The following NCKAP5 variants were observed in gnomAD, a reference collection of about 807,000 sequenced individuals.
NCKAP5 encodes the protein nck-associated protein 5.
In NCKAP5, 92 loss-of-function variants were observed where a neutral mutation model predicts 167.0. The ratio of observed to expected loss-of-function variants is 0.55; its 90% CI spans 0.47 to 0.66. NCKAP5 has a LOEUF of 0.66. NCKAP5 is among the 30% of genes least tolerant of loss of function. NCKAP5 has a pLI of 0.00. For missense variants in NCKAP5, 2,378 were observed against 2,315.0 expected (o/e 1.03, Z -0.56); for synonymous variants, 891 against 877.4 (o/e 1.02, Z -0.27).
chr2:132,832,667 G>A (rs894378034), intron 11 of NCKAP5, among the ~76,000 whole-genome samples: 5 of 152,088 alleles, frequency 3.3e-5, no homozygotes, highest in African/African-American at 1.2e-4. Flanking sequence ...ATGACCTCCA[G>A]TTCCATTCCT....
At chr2:133,342,452 ACTC>A (rs1412464468) in intron 3 of NCKAP5, among the ~76,000 whole-genome samples, 9 of 151,918 alleles carry the variant, frequency 5.9e-5, no homozygotes, top group African/African-American at 2.2e-4. Flanking sequence ...GCTACTCCCA[ACTC>A]CTCCTTTTCA....
At chr2:133,603,525 C>A in the NCKAP5 span, among the ~76,000 whole-genome samples, 1 of 148,216 alleles carries the variant, frequency 6.7e-6, no homozygotes, top group South Asian at 2.2e-4. Context: ...GTGCCCAGCC[C>A]GGCATCAGGG....
chr2:133,634,288 A>G, the NCKAP5 span, among the ~76,000 whole-genome samples: 2 of 151,892 alleles, frequency 1.3e-5, no homozygotes, highest in Admixed American at 6.6e-5. Flanking sequence ...GCCCCTTCCC[A>G]CTCCCTCGTA....
intron 5 of NCKAP5, among the ~76,000 whole-genome samples, chr2:133,168,542 C>T (rs1467995847): frequency 1.3e-5 from 2 of 152,006 alleles, no homozygotes; most frequent in Admixed American, 1.3e-4. Flanking sequence ...ATCCAGCTCC[C>T]TTCCGCTTTG....
At chr2:133,019,178 G>T (rs2078442739) in intron 6 of NCKAP5, among the ~76,000 whole-genome samples, 1 of 152,164 alleles carries the variant, frequency 6.6e-6, no homozygotes, top group African/African-American at 2.4e-5. Flanking sequence ...TTGCTATACG[G>T]AGTGGCAATT....
chr2:133,312,638 T>C (rs1681327907), intron 3 of NCKAP5, among the ~76,000 whole-genome samples: 1 of 152,306 alleles, frequency 6.6e-6, no homozygotes, highest in South Asian at 2.1e-4. Flanking sequence ...ATGCTAAGGA[T>C]AGCTAAAGTG....
chr2:133,379,251 T>C (rs1225407162), intron 3 of NCKAP5, among the ~76,000 whole-genome samples: 1 of 152,160 alleles, frequency 6.6e-6, no homozygotes, highest in African/African-American at 2.4e-5. Context: ...GCTCACCTCA[T>C]CTCCAGTAAA....
intron 4 of NCKAP5, among the ~76,000 whole-genome samples, chr2:133,297,956 T>C (rs1179958880): frequency 6.6e-6 from 1 of 152,226 alleles, no homozygotes; most frequent in Non-Finnish European, 1.5e-5. Flanking sequence ...CTGGTTGTGC[T>C]TGTGAACATG....
At chr2:132,977,947 A>G (rs768735740) in intron 7 of NCKAP5, among the ~76,000 whole-genome samples, 2 of 152,194 alleles carry the variant, frequency 1.3e-5, no homozygotes, top group Non-Finnish European at 2.9e-5. Flanking sequence ...CTTCTTTGTC[A>G]CATAGTGGGA....
At chr2:132,802,020 C>T (rs1446275966) in intron 11 of NCKAP5, among the ~76,000 whole-genome samples, 1 of 152,184 alleles carries the variant, frequency 6.6e-6, no homozygotes, top group South Asian at 2.1e-4. Context: ...TCAGGTTATC[C>T]ACCTGCCGTA....
At chr2:133,460,226 G>A (rs1031320958) in intron 3 of NCKAP5, among the ~76,000 whole-genome samples, 2 of 152,066 alleles carry the variant, frequency 1.3e-5, no homozygotes, top group Admixed American at 1.3e-4. Context: ...TTAACATTCA[G>A]CAAAAAATTC....
the NCKAP5 span, among the ~76,000 whole-genome samples, chr2:133,661,694 T>C: frequency 6.6e-6 from 1 of 152,222 alleles, no homozygotes; most frequent in Admixed American, 6.5e-5. Context: ...ATCACCTGTA[T>C]GGCCTTGGCA....
At chr2:132,749,949 A>C (rs1242158681) in intron 16 of NCKAP5, among the ~76,000 whole-genome samples, 1 of 152,148 alleles carries the variant, frequency 6.6e-6, no homozygotes, top group Non-Finnish European at 1.5e-5. Context: ...ACCACCTTTT[A>C]TCCTCCCAAC....
intron 3 of NCKAP5, among the ~76,000 whole-genome samples, chr2:133,387,939 T>C (rs1687112271): frequency 2.0e-5 from 3 of 152,202 alleles, no homozygotes; most frequent in Admixed American, 2.0e-4. Flanking sequence ...TAGTTAGCCA[T>C]TCATCCAATC....
chr2:133,321,998 C>A (rs569017566), intron 3 of NCKAP5, among the ~76,000 whole-genome samples: 8 of 152,278 alleles, frequency 5.3e-5, no homozygotes. Context: ...TGGCCCACAT[C>A]AAAAATTATA....
In NCKAP5 at chr2:133,385,551, G is replaced by A. The variant is rs192195692; in HGVS notation, c.70-82441C>T. 1.9e-3 allele frequency among the ~76,000 whole-genome samples: 283 copies of A among 152,296 alleles called. 2 individuals are homozygous for A. Among genetic ancestry groups the A allele is most frequent in the African/African-American group, 6.5e-3 (270 of 41,552 alleles). On this transcript the variant is annotated intron_variant, in intron 3 of 19. Coordinates refer to ENST00000409261, the MANE Select transcript of NCKAP5 (RefSeq NM_207363.3). ...TGCCAGGCCTGGGTATCAGGATGAT[G>A]CTGGCCTCATAAAATGAGTTAGGGA... is the stretch of plus-strand genomic sequence containing the variant.
chr2:132,986,975 A>G (rs1383985575), intron 7 of NCKAP5, among the ~76,000 whole-genome samples: 2 of 152,186 alleles, frequency 1.3e-5, no homozygotes, highest in Non-Finnish European at 2.9e-5. Context: ...CCTATGGAAC[A>G]CAGGCTGGAC....
intron 6 of NCKAP5, among the ~76,000 whole-genome samples, chr2:133,106,059 C>T (rs1028774105): frequency 2.6e-5 from 4 of 151,840 alleles, no homozygotes; most frequent in South Asian, 2.1e-4. Context: ...TCTGGGAGGT[C>T]GAGGTGGGTG....
chr2:133,375,210 C>T (rs1045524360), intron 3 of NCKAP5, among the ~76,000 whole-genome samples: 53 of 152,176 alleles, frequency 3.5e-4, no homozygotes, highest in Admixed American at 2.0e-4. Context: ...CAATCTTGTC[C>T]TGTCTTTGGC....
Sources: gnomAD v4.1 joint callset for allele counts (sites outside exome capture counted in the v4.1 genomes callset) on GRCh38, gnomAD v4.1.1 for gene constraint, MANE v1.5 for transcripts, NCBI Gene and HGNC (gene_info 2026-07-23, HGNC 2026-07-21) for gene names.